Variants in TRIM2 observed in about 807,000 individuals in gnomAD.
TRIM2 encodes the protein tripartite motif-containing protein 2.
TRIM2 carries 20 observed loss-of-function variants against 75.2 expected under a neutral mutation model. That is an observed-to-expected ratio of 0.27 (90% CI 0.19 to 0.39). The LOEUF (loss-of-function observed/expected upper bound fraction) is 0.39. Ranked by LOEUF, TRIM2 falls within the 10% of genes least tolerant of loss-of-function variation. The pLI, the probability that TRIM2 is intolerant of heterozygous loss-of-function variation, is 1.00. For missense variants in TRIM2, 660 were observed against 990.8 expected, an observed-to-expected ratio of 0.67 and a Z score of 4.48; for synonymous variants, 373 against 388.3, an observed-to-expected ratio of 0.96 and a Z score of 0.46.
At chr4:153,286,651 TATG>T (rs1760684327) in intron 3 of TRIM2, among the ~76,000 whole-genome samples, 2 of 152,116 alleles carry the variant, frequency 1.3e-5, no homozygotes, top group Non-Finnish European at 2.9e-5. Flanking sequence ...TTTTTATTTC[TATG>T]ATGTCAGTAG....
At chr4:153,203,126 A>AAG (rs1553962329), upstream of TRIM2, among the ~76,000 whole-genome samples, 3,208 of 143,004 alleles carry the variant, frequency 0.022, 204 homozygotes, top group African/African-American at 0.08. Context: ...AAAAAAAAAA[A>AAG]AGTGGAATTT....
In TRIM2 at chr4:153,292,990, A is replaced by G. The variant is rs1486135390; in HGVS notation, c.462A>G (p.Glu154=). The G allele has an allele frequency of 2.5e-6, 4 of 1,608,368 alleles. No homozygotes were observed. The change falls in exon 4 of 12, where the codon GAA becomes GAG. Residue 154 remains glutamate, a synonymous_variant. Coordinates refer to ENST00000338700, the MANE Select transcript of TRIM2 (RefSeq NM_015271.5). ...TCTTGTGTCATCCACAGGTGATGGA[A>G]TTTTACTGCCAGTCCTGTGAGACTG... ...SCPNHDGNVM[E]FYCQSCETAM...
chr4:153,223,245 G>A (rs1741179404), intron 1 of TRIM2, among the ~76,000 whole-genome samples: 1 of 152,160 alleles, frequency 6.6e-6, no homozygotes, highest in Admixed American at 6.5e-5. Context: ...ACGCCGCGCG[G>A]CTCCCAGGCC....
At chr4:153,237,688 AAG>A (rs201543470) in intron 1 of TRIM2, among the ~76,000 whole-genome samples, 1,686 of 152,320 alleles carry the variant, frequency 0.011, 16 homozygotes, top group African/African-American at 0.037. Context: ...TCAAAAAAAA[AAG>A]AGTCAAAATA....
Position 153,335,293 on chromosome 4 carries a change from G to A in TRIM2, c.*327G>A. The stretch of plus-strand genomic sequence containing the variant: ...ACTTAAAAAACTAGCATATGTAAAG[G>A]TATTCGTTAATCCTGTGAATGGTAG... On this transcript the variant is annotated 3_prime_UTR_variant, in exon 12 of 12. Transcript: ENST00000338700. 2.0e-6 allele frequency: 2 copies of A among 1,021,736 alleles called. No individual in the cohort carries two copies. Among genetic ancestry groups the A allele is most frequent in the Non-Finnish European group, 2.3e-6 (2 of 853,940 alleles). The allele number at this position is 1,021,736 out of a possible 1,614,324, so 63.3% of individuals were successfully genotyped here. A position where few individuals can be genotyped will look rare whatever the true frequency, so the allele number is the denominator to read the frequency against.
chr4:153,314,399 G>A (rs932433695), intron 6 of TRIM2, among the ~76,000 whole-genome samples: 6 of 122,932 alleles, frequency 4.9e-5, no homozygotes, highest in Admixed American at 1.9e-4. Flanking sequence ...CAGCCTGGGC[G>A]ACAGAGCGAG....
chr4:153,203,056 G>C (rs1055189195), upstream of TRIM2, among the ~76,000 whole-genome samples: 2 of 137,816 alleles, frequency 1.5e-5, no homozygotes, highest in Non-Finnish European at 3.0e-5. Flanking sequence ...AGTGAGCCAA[G>C]ATTGTGCCAC....
chr4:153,230,040 GAGA>G (rs896749116), intron 1 of TRIM2, among the ~76,000 whole-genome samples: 1 of 152,318 alleles, frequency 6.6e-6, no homozygotes, highest in African/African-American at 2.4e-5. Flanking sequence ...GCTAACCTGA[GAGA>G]AGAAGGCAAG....
intron 6 of TRIM2, among the ~76,000 whole-genome samples, chr4:153,306,612 C>T (rs961539782): frequency 5.3e-5 from 8 of 152,274 alleles, no homozygotes; most frequent in Middle Eastern, 3.4e-3. Flanking sequence ...GCAGGAGAAA[C>T]GAACAGGCAT....
intron 1 of TRIM2, among the ~76,000 whole-genome samples, chr4:153,188,811 G>A (rs1439560968): frequency 6.6e-6 from 1 of 151,682 alleles, no homozygotes; most frequent in Non-Finnish European, 1.5e-5. Flanking sequence ...CCTGTCCTGT[G>A]TTCACATAAA....
At chr4:153,256,657 C>T (rs1752137191) in intron 1 of TRIM2, among the ~76,000 whole-genome samples, 1 of 152,080 alleles carries the variant, frequency 6.6e-6, no homozygotes, top group South Asian at 2.1e-4. Flanking sequence ...AATGACTTGG[C>T]AGGAAATTAA....
rs1314143190 is a variant in TRIM2, at chr4:153,285,343, T to C, written c.454-7639T>C. ...CATTGTTTTGATTACTGTAGCATTA[T>C]AGTCAGTTTTGAAATTGGTAACTAT... On this transcript the variant is annotated intron_variant, in intron 3 of 11. Coordinates refer to ENST00000338700, the MANE Select transcript of TRIM2 (RefSeq NM_015271.5). Among the ~76,000 whole-genome samples, 3 of 152,354 alleles carry C rather than the reference T, an allele frequency of 2.0e-5. No individual in the cohort carries two copies. The East Asian group carries it at 5.8e-4, about 29-fold the overall frequency.
chr4:153,199,517 A>G (rs1734104543), upstream of TRIM2, among the ~76,000 whole-genome samples: 1 of 152,224 alleles, frequency 6.6e-6, no homozygotes, highest in Admixed American at 6.5e-5. Context: ...ACTTGCTGCC[A>G]GCCTGTGCCT....
rs11397245 is a variant in TRIM2, at chr4:153,316,873, CTTTTTTTT to C, written c.1782+892_1782+899del. On this transcript the variant is annotated intron_variant, in intron 8 of 11. Coordinates refer to ENST00000338700, the MANE Select transcript of TRIM2 (RefSeq NM_015271.5). ...TTTGTAAGGGCCATTTGCATTATGC[CTTTTTTTT>C]TTTTTTTTTTTTTTTTTGAGACGGA... Among the ~76,000 whole-genome samples the C allele has an allele frequency of 1.6e-4, 10 of 61,584 alleles. No individual in the cohort carries two copies. The South Asian group carries it at 8.5e-3, about 53-fold the overall frequency. 40.4% of individuals were successfully genotyped at this position (61,584 alleles called of 152,430 possible).
At position 153,319,018 on chromosome 4, in the gene TRIM2, G is replaced by C. The variant is rs187028591; in HGVS notation, c.1782+3019G>C. ...TAAAAACACTTTAGGACCCTCACAG[G>C]AGTTCATCCAAGTGGAATATCCACA... On this transcript the variant is annotated intron_variant, in intron 8 of 11. Transcript: ENST00000338700. Among the ~76,000 whole-genome samples the C allele has an allele frequency of 3.2e-3, 484 of 152,284 alleles. 4 individuals carry two copies. Among genetic ancestry groups the C allele is most frequent in the African/African-American group, 0.011 (461 of 41,554 alleles).
chr4:153,316,664 T>C (rs566323332), intron 8 of TRIM2, among the ~76,000 whole-genome samples: 12 of 152,178 alleles, frequency 7.9e-5, no homozygotes, highest in Non-Finnish European at 1.5e-4. Flanking sequence ...TTTGCTATCA[T>C]TCCCAGCGTC....
intron 1 of TRIM2, among the ~76,000 whole-genome samples, chr4:153,199,067 A>G (rs1161321907): frequency 6.6e-6 from 1 of 152,216 alleles, no homozygotes; most frequent in Non-Finnish European, 1.5e-5. Flanking sequence ...TATTATTTTT[A>G]ATAACAGCAA....
At chr4:153,154,290 A>G (rs944958240) in intron 1 of TRIM2, among the ~76,000 whole-genome samples, 2 of 152,160 alleles carry the variant, frequency 1.3e-5, no homozygotes, top group African/African-American at 4.8e-5. Flanking sequence ...TCTGAGGCTC[A>G]GGTTTCTTGA....
rs950103164 is a variant in TRIM2, at chr4:153,171,657, G to C, written c.-49+18387G>C. On this transcript the variant is annotated intron_variant, in intron 1 of 11. Transcript: ENST00000437508. ...GGTTAATGGAAAAAAAAGATAGTACGTCCTGGTTTAAGGGCTTCAGTGACA... is the reference window on the plus strand; with the variant it reads ...GGTTAATGGAAAAAAAAGATAGTACCTCCTGGTTTAAGGGCTTCAGTGACA... Among the ~76,000 whole-genome samples, 78 of 137,558 alleles carry C rather than the reference G, an allele frequency of 5.7e-4. No individual in the cohort carries two copies. The Admixed American group carries it at 5.7e-3, about 10-fold the overall frequency. 90.2% of individuals were successfully genotyped at this position (137,558 alleles called of 152,430 possible).
Sources: allele counts gnomAD v4.1 joint callset (sites outside exome capture counted in the v4.1 genomes callset), GRCh38; gene constraint gnomAD v4.1.1; transcripts MANE v1.5; gene names NCBI Gene and HGNC (gene_info 2026-07-23, HGNC 2026-07-21).